Variants in NR3C1 observed in about 807,000 individuals in gnomAD.
The protein encoded by NR3C1 is nuclear receptor subfamily 3 group C member 1.
In NR3C1, 14 loss-of-function variants were observed where a neutral mutation model predicts 74.0. That is an observed-to-expected ratio of 0.19 (90% CI 0.12 to 0.30). The LOEUF is 0.30. Among genes scored for constraint, NR3C1 ranks in the 10% least tolerant of loss-of-function variants. NR3C1 has a pLI of 1.00. For missense variants in NR3C1, 695 were observed against 909.8 expected (o/e 0.76, Z 3.04); for synonymous variants, 308 against 332.5 (o/e 0.93, Z 0.80).
chr5:143,332,993 C>G (rs1270724343), intron 2 of NR3C1: 11 of 1,585,244 alleles, frequency 6.9e-6, no homozygotes, highest in Non-Finnish European at 9.4e-6. Flanking sequence ...ATAAGACCAT[C>G]CCTCTGACAG....
intron 2 of NR3C1, among the ~76,000 whole-genome samples, chr5:143,377,275 C>T (rs1835373634): frequency 6.6e-6 from 1 of 152,084 alleles, no homozygotes; most frequent in Non-Finnish European, 1.5e-5. Flanking sequence ...CATTCCCCTC[C>T]CCCCACACAA....
chr5:143,373,629 C>T (rs1313384364), intron 2 of NR3C1, among the ~76,000 whole-genome samples: 1 of 151,916 alleles, frequency 6.6e-6, no homozygotes, highest in Non-Finnish European at 1.5e-5. Context: ...AAAAAGACTA[C>T]ATTTAATGTG....
chr5:143,286,582 G>A (rs987535243), intron 7 of NR3C1, among the ~76,000 whole-genome samples: 4 of 152,018 alleles, frequency 2.6e-5, no homozygotes, highest in Non-Finnish European at 4.4e-5. Context: ...CTATGAACAT[G>A]GGCAGTCATT....
intron 4 of NR3C1, among the ~76,000 whole-genome samples, chr5:143,303,996 C>T (rs1347525621): frequency 6.6e-6 from 1 of 152,074 alleles, no homozygotes; most frequent in East Asian, 1.9e-4. Context: ...GAAGCATTCC[C>T]CTTAATGCAA....
intron 2 of NR3C1, among the ~76,000 whole-genome samples, chr5:143,337,639 T>C (rs549006803): frequency 5.9e-5 from 9 of 152,328 alleles, no homozygotes; most frequent in African/African-American, 1.7e-4. Flanking sequence ...GAGGATATAA[T>C]TCTATACAGC....
chr5:143,392,685 A>C (rs1838476858), intron 2 of NR3C1, among the ~76,000 whole-genome samples: 1 of 152,238 alleles, frequency 6.6e-6, no homozygotes. Flanking sequence ...AGATGAATGC[A>C]TGCAAAGTGC....
At chr5:143,306,541 G>C (rs554321856) in intron 4 of NR3C1, among the ~76,000 whole-genome samples, 1 of 152,206 alleles carries the variant, frequency 6.6e-6, no homozygotes, top group East Asian at 1.9e-4. Context: ...ACTTTTTTAA[G>C]CCTTTCTTTC....
intron 2 of NR3C1, among the ~76,000 whole-genome samples, chr5:143,366,206 CAACAAAAATAACCAAAGCT>C (rs1833143494): frequency 1.3e-5 from 2 of 151,892 alleles, no homozygotes; most frequent in African/African-American, 4.8e-5. Context: ...TAGAGTAGGT[CAACAAAAATAACCAAAGCT>C]GGGTTGGGCA....
At chr5:143,337,513 C>T (rs928808826) in intron 2 of NR3C1, among the ~76,000 whole-genome samples, 1 of 152,078 alleles carries the variant, frequency 6.6e-6, no homozygotes, top group African/African-American at 2.4e-5. Context: ...TGTGCATATA[C>T]AGTAAAATGT....
intron 4 of NR3C1, among the ~76,000 whole-genome samples, chr5:143,309,082 T>A (rs1820287957): frequency 6.6e-6 from 1 of 151,340 alleles, no homozygotes; most frequent in African/African-American, 2.4e-5. Context: ...TCTTTTTTTT[T>A]TTTTTTTTCC....
At chr5:143,392,329 C>T (rs1469258331) in intron 2 of NR3C1, among the ~76,000 whole-genome samples, 1 of 152,316 alleles carries the variant, frequency 6.6e-6, no homozygotes, top group East Asian at 1.9e-4. Context: ...AACCCTCTCA[C>T]TATTTTACAG....
chr5:143,414,306 G>A (rs1841409502), intron 1 of NR3C1, among the ~76,000 whole-genome samples: 1 of 152,184 alleles, frequency 6.6e-6, no homozygotes, highest in Admixed American at 6.5e-5. Flanking sequence ...GGCGGCTGCA[G>A]TGAGCCTCTG....
chr5:143,396,895 C>A (rs962661418), intron 2 of NR3C1, among the ~76,000 whole-genome samples: 5 of 151,788 alleles, frequency 3.3e-5, no homozygotes, highest in African/African-American at 1.2e-4. Context: ...GGCTGAAAAT[C>A]AAATAATGCA....
Position 143,398,356 on chromosome 5 carries a change from G to GTGTT in NR3C1, c.1184+1299_1184+1300insAACA, listed in dbSNP as rs556234844. On this transcript the variant is annotated intron_variant, in intron 2 of 8. Transcript: ENST00000394464. Reference sequence around the variant, plus strand: ...GACATGTAAGAACCAAGGTTTTTTGGTTTTTTTTTTTTTTTTTTTGACAAC... The same window carrying GTGTT: ...GACATGTAAGAACCAAGGTTTTTTGGTGTTTTTTTTTTTTTTTTTTTTTGACAAC... Among the ~76,000 whole-genome samples, 210 of 85,310 alleles carry GTGTT rather than the reference G, an allele frequency of 2.5e-3. 3 individuals carry two copies. The highest frequency in any genetic ancestry group is 4.0e-3 in the South Asian group (9 of 2,272). 56.0% of individuals were successfully genotyped at this position (85,310 alleles called of 152,430 possible). A position where few individuals can be genotyped will look rare whatever the true frequency, so the allele number is the denominator to read the frequency against.
At chr5:143,351,490 A>G (rs1830211497) in intron 2 of NR3C1, among the ~76,000 whole-genome samples, 1 of 152,190 alleles carries the variant, frequency 6.6e-6, no homozygotes, top group Non-Finnish European at 1.5e-5. Flanking sequence ...GAGGAAAAAA[A>G]GATGTGTCCA....
At chr5:143,333,704 A>C (rs1400222967) in intron 2 of NR3C1, among the ~76,000 whole-genome samples, 1 of 152,030 alleles carries the variant, frequency 6.6e-6, no homozygotes. Flanking sequence ...GGAGGCAGAG[A>C]CTGCAGTGAG....
At chr5:143,356,441 C>T (rs930039060) in intron 2 of NR3C1, among the ~76,000 whole-genome samples, 1 of 152,012 alleles carries the variant, frequency 6.6e-6, no homozygotes, top group African/African-American at 2.4e-5. Context: ...AAGTATCTGT[C>T]TAGTATATCA....
At chr5:143,420,745 C>T in intron 1 of NR3C1, among the ~76,000 whole-genome samples, 1 of 152,112 alleles carries the variant, frequency 6.6e-6, no homozygotes. Flanking sequence ...GTCAATAGTG[C>T]CGAGGCTGAG....
At position 143,280,398 on chromosome 5, in the gene NR3C1, T is replaced by G. The variant is rs988422959; in HGVS notation, c.*1491A>C. 3.3e-5 allele frequency: 5 copies of G among 152,620 alleles called. No homozygotes were observed. The highest frequency in any genetic ancestry group is 1.2e-4 in the African/African-American group (5 of 41,450). The allele number at this position is 152,620 out of a possible 1,614,324, so 9.5% of individuals were successfully genotyped here. ...ATTAGAAGTTCCATATTTTTAATATTAGATTTTCAGTTTTCTATTACACAA... is the reference window on the plus strand; with the variant it reads ...ATTAGAAGTTCCATATTTTTAATATGAGATTTTCAGTTTTCTATTACACAA... On this transcript the variant is annotated 3_prime_UTR_variant, in exon 9 of 9. Transcript: ENST00000394464.
Sources: allele counts gnomAD v4.1 joint callset (sites outside exome capture counted in the v4.1 genomes callset), GRCh38; gene constraint gnomAD v4.1.1; transcripts MANE v1.5; gene names NCBI Gene and HGNC (gene_info 2026-07-23, HGNC 2026-07-21).